The following PTPRU variants were observed in gnomAD, a reference collection of about 807,000 sequenced individuals.
PTPRU encodes protein tyrosine phosphatase receptor type U.
PTPRU carries 69 observed loss-of-function variants against 166.3 expected under a neutral mutation model. The observed-to-expected ratio is 0.41, with a 90% CI of 0.34 to 0.51. The LOEUF is 0.51. Ranked by LOEUF, PTPRU falls within the 20% of genes least tolerant of loss-of-function variation. The pLI, the probability that PTPRU is intolerant of heterozygous loss-of-function variation, is 0.09. For synonymous variants in PTPRU, 793 were observed against 814.0 expected (o/e 0.97, Z 0.44); for missense variants, 1,657 against 2,013.7 (o/e 0.82, Z 3.39).
intron 15 of PTPRU, among the ~76,000 whole-genome samples, chr1:29,295,213 T>TC: frequency 6.6e-6 from 1 of 151,864 alleles, no homozygotes; most frequent in East Asian, 1.9e-4. Flanking sequence ...TCTTTGCATT[T>TC]TTTTTTTTTT....
At chr1:29,267,424 G>A (rs951894600) in intron 7 of PTPRU, among the ~76,000 whole-genome samples, 1 of 152,196 alleles carries the variant, frequency 6.6e-6, no homozygotes, top group Non-Finnish European at 1.5e-5. Context: ...AAAGCAGGGA[G>A]TGGGGCCTGG....
In PTPRU at chr1:29,260,172, T is replaced by G; in HGVS notation, c.850+128T>G. 1 of 1,077,742 alleles carries G rather than the reference T, an allele frequency of 9.3e-7. No individual in the cohort carries two copies. Among genetic ancestry groups the G allele is most frequent in the Non-Finnish European group, 1.2e-6 (1 of 817,448 alleles). The allele number at this position is 1,077,742 out of a possible 1,614,324, so 66.8% of individuals were successfully genotyped here. A position where few individuals can be genotyped will look rare whatever the true frequency, so the allele number is the denominator to read the frequency against. ...CCGGCAGGGTGTCGCTGGGGCGCTA[T>G]CTGAAGATGGGCCTGTGGAAATGGC... is the stretch of plus-strand genomic sequence containing the variant. On this transcript the variant is annotated intron_variant, in intron 6 of 29. Transcript: ENST00000373779. The surrounding 1 kb of genome is among the most constrained non-coding windows in gnomAD (Gnocchi z 8.3).
At chr1:29,298,427 A>G (rs1180625392) in intron 15 of PTPRU, among the ~76,000 whole-genome samples, 3 of 152,164 alleles carry the variant, frequency 2.0e-5, no homozygotes, top group Non-Finnish European at 4.4e-5. Context: ...TGTGGTTTAG[A>G]ATGGAAAGCC....
intron 1 of PTPRU, among the ~76,000 whole-genome samples, chr1:29,244,193 G>A (rs376377054): frequency 6.0e-4 from 92 of 152,156 alleles, no homozygotes; most frequent in African/African-American, 2.0e-3. Context: ...CTCAGCCCCC[G>A]GGGGCTCCCA....
intron 14 of PTPRU, among the ~76,000 whole-genome samples, chr1:29,285,388 G>C (rs1417390770): frequency 1.3e-5 from 2 of 152,148 alleles, no homozygotes; most frequent in African/African-American, 4.8e-5. Context: ...GTGGATCCTT[G>C]AGGAGCCCTC....
At chr1:29,239,329 T>C (rs1467613543) in intron 1 of PTPRU, among the ~76,000 whole-genome samples, 1 of 152,224 alleles carries the variant, frequency 6.6e-6, no homozygotes, top group Non-Finnish European at 1.5e-5. Flanking sequence ...TATTCTGCTG[T>C]GTTCTTGCTA....
Position 29,307,224 on chromosome 1 carries a change from C to T in PTPRU, c.2820+1796C>T, listed in dbSNP as rs1000356081. ...ACTGGCTGTATCTCAGACTCTCTCA[C>T]GGTCTCTGGCTGTCTGTCTCTCTGT... is the stretch of plus-strand genomic sequence containing the variant. On this transcript the variant is annotated intron_variant, in intron 18 of 29. Coordinates refer to ENST00000373779, the MANE Select transcript of PTPRU (RefSeq NM_133178.4). 4.7e-5 allele frequency: 71 copies of T among 1,511,314 alleles called. No homozygotes were observed. In the African/African-American group the frequency reaches 5.9e-4, roughly 13 times the overall value. 93.6% of individuals were successfully genotyped at this position (1,511,314 alleles called of 1,614,324 possible).
intron 15 of PTPRU, among the ~76,000 whole-genome samples, chr1:29,293,456 C>A (rs1686737360): frequency 6.7e-6 from 1 of 150,148 alleles, no homozygotes; most frequent in Non-Finnish European, 1.5e-5. Flanking sequence ...AATTTTCCTA[C>A]CTTTTTCGGG....
chr1:29,277,768 T>G lies in PTPRU; in HGVS notation c.1454-1244T>G, dbSNP rs112200222. On this transcript the variant is annotated intron_variant, in intron 8 of 29. Transcript: ENST00000373779. Reference sequence around the variant, plus strand: ...AGAAGAAGTCACAGAAAGCCTGGCTTTCTAACCTGACCATCTGGCTTCACA... The same window carrying G: ...AGAAGAAGTCACAGAAAGCCTGGCTGTCTAACCTGACCATCTGGCTTCACA... Among the ~76,000 whole-genome samples the G allele has an allele frequency of 2.0e-3, 293 of 145,918 alleles. 1 individual carries two copies. The highest frequency in any genetic ancestry group is 7.0e-3 in the African/African-American group (284 of 40,518).
rs1362512027 is a variant in PTPRU at position 29,260,516 on chromosome 1, C to T, written c.851-94C>T. The T allele has an allele frequency of 3.1e-6, 3 of 964,714 alleles. No homozygotes were observed. The highest frequency in any genetic ancestry group is 3.6e-5 in the Admixed American group (1 of 28,086). The allele number at this position is 964,714 out of a possible 1,614,324, so 59.8% of individuals were successfully genotyped here. On this transcript the variant is annotated intron_variant, in intron 6 of 29. Coordinates refer to ENST00000373779, the MANE Select transcript of PTPRU (RefSeq NM_133178.4). This position sits in a 1 kb window ranked among gnomAD's most constrained non-coding sequence, Gnocchi z 8.3. ...AGCAGCGTGAGAGGCCCTAGGAGGA[C>T]GGAGAGGGATTTGGGTGTGGTGGAA...
chr1:29,259,599 G>GGGGGCC, intron 5 of PTPRU, 35 bp downstream of exon 5: 1 of 1,467,292 alleles, frequency 6.8e-7, no homozygotes, highest in African/African-American at 1.4e-5. Context: ...TGGGGGCGGG[G>GGGGGCC]TGGGAGGGGG....
At position 29,238,817 on chromosome 1, in the gene PTPRU, CA is replaced by C. The variant is rs758141042; in HGVS notation, c.73+2102del. Among the ~76,000 whole-genome samples the C allele has an allele frequency of 3.9e-5, 6 of 152,166 alleles. No homozygotes were observed. The highest frequency in any genetic ancestry group is 8.8e-5 in the Non-Finnish European group (6 of 68,028). On this transcript the variant is annotated intron_variant, in intron 1 of 29. Coordinates refer to ENST00000373779, the MANE Select transcript of PTPRU (RefSeq NM_133178.4). The surrounding 1 kb of genome is among the most constrained non-coding windows in gnomAD (Gnocchi z 6.1). Reference sequence around the variant, plus strand: ...ATCGCTTTGATTTCAAGAACACTCACAAGCCCCAAGCCCTGCCAGCAGGAGG... The same window carrying C: ...ATCGCTTTGATTTCAAGAACACTCACAGCCCCAAGCCCTGCCAGCAGGAGG...
At position 29,315,402 on chromosome 1, in the gene PTPRU, C is replaced by T. The variant is rs139267044; in HGVS notation, c.3258C>T (p.Ile1086=). 574 of 1,614,218 alleles carry T rather than the reference C, an allele frequency of 3.6e-4. 2 individuals carry two copies. In the African/African-American group the frequency reaches 7.2e-3, roughly 20 times the overall value. Reference sequence around the variant, plus strand: ...GCACCGGCCGCACAGGTTGCTATATCGTCCTGGATGTGATGCTGGACATGG... The same window carrying T: ...GCACCGGCCGCACAGGTTGCTATATTGTCCTGGATGTGATGCTGGACATGG... ...SAGTGRTGCY[I]VLDVMLDMAE... The change falls in exon 23 of 30, where the codon ATC becomes ATT. Residue 1086 remains isoleucine, a synonymous_variant. Coordinates refer to ENST00000373779, the MANE Select transcript of PTPRU (RefSeq NM_133178.4). The surrounding 1 kb of genome is among the most constrained non-coding windows in gnomAD (Gnocchi z 4.5).
chr1:29,289,859 T>G (rs1686542022), intron 14 of PTPRU: 3 of 904,216 alleles, frequency 3.3e-6, no homozygotes, highest in East Asian at 5.3e-5. Flanking sequence ...GGCCTCTGAC[T>G]TTCTTTCCTC....
intron 8 of PTPRU, among the ~76,000 whole-genome samples, chr1:29,276,578 AAAGT>A (rs1317580916): frequency 6.6e-6 from 1 of 152,184 alleles, no homozygotes; most frequent in Non-Finnish European, 1.5e-5. Flanking sequence ...TTGGCCTCCA[AAAGT>A]GCTGGGATTA....
chr1:29,243,173 AG>A (rs1290210695), intron 1 of PTPRU, among the ~76,000 whole-genome samples: 1 of 152,104 alleles, frequency 6.6e-6, no homozygotes, highest in African/African-American at 2.4e-5. Context: ...CTGGGATTAG[AG>A]GCATGAGCCC....
rs1016114973 is a variant in PTPRU, at chr1:29,236,555, C to T, written c.-90C>T. 50 of 1,024,468 alleles carry T rather than the reference C, an allele frequency of 4.9e-5. 1 individual carries two copies. The African/African-American group carries it at 8.0e-4, about 16-fold the overall frequency. 63.5% of individuals were successfully genotyped at this position (1,024,468 alleles called of 1,614,324 possible). A position where few individuals can be genotyped will look rare whatever the true frequency, so the allele number is the denominator to read the frequency against. On this transcript the variant is annotated 5_prime_UTR_variant, in exon 1 of 30. Transcript: ENST00000373779. This position sits in a 1 kb window ranked among gnomAD's most constrained non-coding sequence, Gnocchi z 4.6. ...TCCGCGCCGCGCCGCTCCGCTCCGGCTCGGGCTCCGGCTCGCCTCGGGCTG... is the reference window on the plus strand; with the variant it reads ...TCCGCGCCGCGCCGCTCCGCTCCGGTTCGGGCTCCGGCTCGCCTCGGGCTG...
In PTPRU at chr1:29,321,870, G is replaced by A. The variant is rs183731946; in HGVS notation, c.3828+1045G>A. Among the ~76,000 whole-genome samples, 437 of 152,278 alleles carry A rather than the reference G, an allele frequency of 2.9e-3. 2 individuals are homozygous for A. The highest frequency in any genetic ancestry group is 0.01 in the African/African-American group (422 of 41,566). On this transcript the variant is annotated intron_variant, in intron 26 of 29. Transcript: ENST00000373779. ...CACTGGTTCAGTGACCTCAGCCTGG[G>A]GGCAGCCCCTCTGACTCCCCTGTTT...
chr1:29,259,177 G>T, intron 3 of PTPRU, 84 bp from the exon 4 acceptor site: 1 of 1,411,400 alleles, frequency 7.1e-7, no homozygotes, highest in Non-Finnish European at 9.8e-7. Flanking sequence ...GGCAGAGGAG[G>T]CTGAGGCCGA....
Sources: allele counts gnomAD v4.1 joint callset (sites outside exome capture counted in the v4.1 genomes callset), GRCh38; gene constraint gnomAD v4.1.1; non-coding constraint Gnocchi (gnomAD v3.1); transcripts MANE v1.5; gene names NCBI Gene and HGNC (gene_info 2026-07-23, HGNC 2026-07-21).